The following HEATR4 variants were observed in gnomAD, a reference collection of about 807,000 sequenced individuals.
HEATR4 encodes the protein HEAT repeat-containing protein 4.
HEATR4 carries 95 observed loss-of-function variants against 108.8 expected under a neutral mutation model. The observed-to-expected ratio is 0.87, with a 90% confidence interval of 0.74 to 1.04. The LOEUF is 1.04. HEATR4 is among the 50% of genes least tolerant of loss of function. The probability of loss-of-function intolerance (pLI) is 0.00; values close to 1 mark genes in which losing one functional copy is unlikely to be tolerated. For synonymous variants in HEATR4, 443 were observed against 459.4 expected (o/e 0.96, Z 0.46); for missense variants, 1,152 against 1,253.8 (o/e 0.92, Z 1.23).
At chr14:73,592,423 C>T in the HEATR4 span, 3 of 1,506,614 alleles carry the variant, frequency 2.0e-6, no homozygotes, top group Admixed American at 2.2e-5. Flanking sequence ...CCAGGTGAGC[C>T]AGGCTGCTGG....
At chr14:73,608,011 G>A in the HEATR4 span, among the ~76,000 whole-genome samples, 15 of 151,658 alleles carry the variant, frequency 9.9e-5, no homozygotes, top group East Asian at 1.9e-4. Flanking sequence ...TGCAAGCTCC[G>A]CCTCCTGGGT....
At chr14:73,621,505 C>T in the HEATR4 span, among the ~76,000 whole-genome samples, 508 of 152,266 alleles carry the variant, frequency 3.3e-3, 2 homozygotes, top group Middle Eastern at 0.01. Context: ...GTATACTGGG[C>T]ACTATCTAGA....
intron 17 of HEATR4, chr14:73,491,337 A>G: frequency 6.9e-7 from 1 of 1,453,218 alleles, no homozygotes; most frequent in Non-Finnish European, 9.1e-7. Flanking sequence ...GAGCTGCTGG[A>G]GGCCTCGCCC....
intron 2 of HEATR4, among the ~76,000 whole-genome samples, chr14:73,529,539 C>G (rs545660530): frequency 6.6e-6 from 1 of 151,918 alleles, no homozygotes; most frequent in Non-Finnish European, 1.5e-5. Flanking sequence ...AGATCCCCAA[C>G]TAGAAAATGT....
At chr14:73,599,001 C>CA in the HEATR4 span, among the ~76,000 whole-genome samples, 230 of 144,092 alleles carry the variant, frequency 1.6e-3, 2 homozygotes, top group Non-Finnish European at 2.3e-3. Flanking sequence ...GAGACTGTCT[C>CA]AAAAAAAAAA....
intron 17 of HEATR4, among the ~76,000 whole-genome samples, chr14:73,486,689 C>A (rs1009502648): frequency 6.7e-6 from 1 of 148,856 alleles, no homozygotes; most frequent in Non-Finnish European, 1.5e-5. Context: ...CAGAGTGAGA[C>A]TCTGTCTTGA....
chr14:73,587,985 C>T, the HEATR4 span, among the ~76,000 whole-genome samples: 1 of 151,910 alleles, frequency 6.6e-6, no homozygotes, highest in Non-Finnish European at 1.5e-5. Flanking sequence ...TCCTATTAGA[C>T]CCACATTTTA....
the HEATR4 span, among the ~76,000 whole-genome samples, chr14:73,591,141 G>A: frequency 1.3e-5 from 2 of 152,202 alleles, no homozygotes; most frequent in African/African-American, 2.4e-5. Context: ...CAGCTACTCC[G>A]AAGGCTGAGA....
chr14:73,616,740 T>G, the HEATR4 span: 1 of 330,814 alleles, frequency 3.0e-6, no homozygotes, highest in Non-Finnish European at 5.4e-6. Flanking sequence ...TACAGGTGGT[T>G]TGGGGTTACA....
In HEATR4 at chr14:73,509,421, A is replaced by C. The variant is rs1291731354; in HGVS notation, c.1611T>G (p.Ala537=). The part of the protein sequence containing the change: ...PEVLLPALEA[A]LCDKNAHVRM... ...GCACATGGGCATTCTTGTCACAAAG[A>C]GCAGCCTCTAGGGCAGGCAGTAGAA... Residue 537 remains alanine, a synonymous_variant, in exon 8 of 18, where the codon GCT becomes GCG. Transcript: ENST00000553558. 3.1e-6 allele frequency: 5 copies of C among 1,613,970 alleles called. No individual in the cohort carries two copies. In the South Asian group the frequency reaches 5.5e-5, roughly 18 times the overall value.
chr14:73,629,552 G>A, the HEATR4 span, among the ~76,000 whole-genome samples: 1 of 152,310 alleles, frequency 6.6e-6, no homozygotes, highest in Admixed American at 6.5e-5. Flanking sequence ...AGGAGAGACT[G>A]GAAGAGTGCA....
chr14:73,578,867 C>T, the HEATR4 span, among the ~76,000 whole-genome samples: 11,287 of 151,376 alleles, frequency 0.075, 676 homozygotes, highest in Non-Finnish European at 0.12. Context: ...TGGGCAGTCA[C>T]GAGGTCGGGA....
intron 7 of HEATR4, among the ~76,000 whole-genome samples, chr14:73,511,381 G>A (rs535580190): frequency 6.6e-6 from 1 of 151,908 alleles, no homozygotes; most frequent in South Asian, 2.1e-4. Flanking sequence ...TGGGCATGGT[G>A]GCACACGCCT....
At chr14:73,563,080 C>A (rs1375831155), upstream of HEATR4, among the ~76,000 whole-genome samples, 1 of 151,930 alleles carries the variant, frequency 6.6e-6, no homozygotes, top group Non-Finnish European at 1.5e-5. Context: ...CCTTTTGAAA[C>A]CCTTAATAAA....
At chr14:73,569,944 G>GC in the HEATR4 span, 42 of 1,531,362 alleles carry the variant, frequency 2.7e-5, 1 homozygote, top group Admixed American at 9.8e-5. Context: ...TGTCTCCCCC[G>GC]CCCCACGCTT....
the HEATR4 span, among the ~76,000 whole-genome samples, chr14:73,585,818 T>G: frequency 4.0e-5 from 5 of 124,862 alleles, no homozygotes; most frequent in Non-Finnish European, 6.2e-5. Context: ...TTTTGTCTTT[T>G]TCTTTTTTTT....
chr14:73,564,732 T>TG, the HEATR4 span, among the ~76,000 whole-genome samples: 1 of 141,854 alleles, frequency 7.0e-6, no homozygotes, highest in Non-Finnish European at 1.6e-5. Flanking sequence ...TTTTTTGTTT[T>TG]TTTTTTTTTT....
the HEATR4 span, chr14:73,581,506 C>T: frequency 2.0e-5 from 3 of 151,884 alleles, no homozygotes; most frequent in African/African-American, 7.3e-5. Flanking sequence ...GGCCTCAATA[C>T]AATGGGTATA....
At chr14:73,536,505 C>A (rs1888866743) in intron 1 of HEATR4, among the ~76,000 whole-genome samples, 1 of 85,876 alleles carries the variant, frequency 1.2e-5, no homozygotes, top group African/African-American at 4.0e-5. Context: ...CGTAGTGAGA[C>A]CCTGTCTCTT....
Sources: allele counts gnomAD v4.1 joint callset (sites outside exome capture counted in the v4.1 genomes callset), GRCh38; gene constraint gnomAD v4.1.1; transcripts MANE v1.5; gene names NCBI Gene and HGNC (gene_info 2026-07-23, HGNC 2026-07-21).